Variants in UNC13D observed in about 807,000 individuals in gnomAD.
The protein encoded by UNC13D is protein unc-13 homolog D.
UNC13D carries 115 observed loss-of-function variants against 151.7 expected under a neutral mutation model. That is an observed-to-expected ratio of 0.76 (90% confidence interval 0.65 to 0.88). UNC13D has a LOEUF of 0.88. UNC13D is among the 40% of genes least tolerant of loss of function. UNC13D has a pLI of 0.00. For synonymous variants in UNC13D, 588 were observed against 612.2 expected (o/e 0.96, Z 0.58); for missense variants, 1,369 against 1,438.7 (o/e 0.95, Z 0.78).
Position 75,833,074 on chromosome 17 carries a change from G to C in UNC13D, c.2368-29C>G. On this transcript the variant is annotated intron_variant, in intron 24 of 31. Transcript: ENST00000207549. This position sits in a 1 kb window ranked among gnomAD's most constrained non-coding sequence, Gnocchi z 4.0. ...GGGAGGGAGATGGGGAGCAGGTGTG[G>C]CTCCGGCCCATGTTGGCCCCACCCC... The C allele has an allele frequency of 6.3e-7, 1 of 1,585,666 alleles. No homozygotes were observed. The highest frequency in any genetic ancestry group is 1.3e-5 in the African/African-American group (1 of 74,790).
chr17:75,840,989 G>A lies in UNC13D; in HGVS notation c.582C>T (p.Asp194=). ...WDETFILEFE[D]ITNASFHLDM... ...CCAGATGAAAGCTCGCATTGGTGAT[G>A]TCCTCAAACTCCCTGTATGGAGAAA... Residue 194 remains aspartate (D), a synonymous_variant, in exon 7 of 32, where the codon GAC becomes GAT. Transcript: ENST00000207549. This position sits in a 1 kb window ranked among gnomAD's most constrained non-coding sequence, Gnocchi z 4.6. 1 of 1,614,036 alleles carries A rather than the reference G, an allele frequency of 6.2e-7. No homozygotes were observed. Among genetic ancestry groups the A allele is most frequent in the Non-Finnish European group, 8.5e-7 (1 of 1,180,012 alleles).
At position 75,828,074 on chromosome 17, in the gene UNC13D, A is replaced by C; in HGVS notation, c.3164T>G (p.Leu1055Arg). The C allele has an allele frequency of 6.4e-7, 1 of 1,574,448 alleles. No homozygotes were observed. The highest frequency in any genetic ancestry group is 8.6e-7 in the Non-Finnish European group (1 of 1,160,134). ...ACCCTTCCGGCCCTCCAGCAGCTGC[A>C]GGATTGGGTCCCCTGCGGAGAGAGG... ...TYPAPNGDPILQLLEGRKGDR... is the reference protein window; with the variant it reads ...TYPAPNGDPIRQLLEGRKGDR... Residue 1055 changes from leucine to arginine, a missense_variant, in exon 32 of 32, where the codon CTG becomes CGG. This residue lies in a region of UNC13D where 807 missense variants were observed against 795.5 expected (regional missense o/e 1.01). Coordinates refer to ENST00000207549, the MANE Select transcript of UNC13D (RefSeq NM_199242.3).
At chr17:75,830,524 G>A in intron 28 of UNC13D, 42 bp from the exon 29 acceptor site, 1 of 1,581,778 alleles carries the variant, frequency 6.3e-7, no homozygotes. Flanking sequence ...GGTCACAGCG[G>A]GAGCGGGGTG....
chr17:75,842,737 G>T, intron 5 of UNC13D, 120 bp downstream of exon 5: 2 of 1,589,524 alleles, frequency 1.3e-6, no homozygotes, highest in Non-Finnish European at 1.7e-6. Context: ...AGCAGCATGG[G>T]GGGCCAGCGC....
chr17:75,840,057 GA>G lies in UNC13D; in HGVS notation c.911del (p.Leu304ProfsTer24). On this transcript the variant is annotated frameshift_variant, in exon 11 of 32. Coordinates refer to ENST00000207549, the MANE Select transcript of UNC13D (RefSeq NM_199242.3). LOFTEE classifies it high-confidence loss of function. This position sits in a 1 kb window ranked among gnomAD's most constrained non-coding sequence, Gnocchi z 4.6. ...CCTCGTGGGACACAAGCTGCTGCAGGAGGTGGAGGTGCACGGTGTAGCTCGG... is the reference window on the plus strand; with the variant it reads ...CCTCGTGGGACACAAGCTGCTGCAGGGGTGGAGGTGCACGGTGTAGCTCGG... ...SQPSYTVHLH[L>X]LQQLVSHEVT... The G allele has an allele frequency of 6.2e-7, 1 of 1,613,620 alleles. No homozygotes were observed. Among genetic ancestry groups the G allele is most frequent in the African/African-American group, 1.3e-5 (1 of 75,066 alleles).
Position 75,844,334 on chromosome 17 carries a change from C to T in UNC13D, c.4G>A (p.Ala2Thr). M[A>T]TLLSHPQQRP... Reference sequence around the variant, plus strand: ...TGCTGCGGATGGGAGAGGAGTGTCGCCATGGTGGCCTTCTCTGCCCTTCCC... The same window carrying T: ...TGCTGCGGATGGGAGAGGAGTGTCGTCATGGTGGCCTTCTCTGCCCTTCCC... The change falls in exon 1 of 32, where the codon GCG becomes ACG. Residue 2 changes from alanine to threonine, a missense_variant. Coordinates refer to ENST00000207549, the MANE Select transcript of UNC13D (RefSeq NM_199242.3). The T allele has an allele frequency of 6.2e-7, 1 of 1,609,182 alleles. No individual in the cohort carries two copies. Among genetic ancestry groups the T allele is most frequent in the South Asian group, 1.1e-5 (1 of 90,574 alleles).
chr17:75,841,135 CTTTTTTTT>C (rs34691954), intron 6 of UNC13D, 134 bp from the exon 7 acceptor site: 8 of 306,202 alleles, frequency 2.6e-5, no homozygotes, highest in East Asian at 1.5e-4. Flanking sequence ...AGCCGCATCC[CTTTTTTTT>C]TTTTTTTTTT....
chr17:75,828,299 A>T lies in UNC13D; in HGVS notation c.3152-213T>A, dbSNP rs545396293. 3.3e-5 allele frequency among the ~76,000 whole-genome samples: 5 copies of T among 152,316 alleles called. No individual in the cohort carries two copies. In the South Asian group the frequency reaches 1.0e-3, roughly 32 times the overall value. On this transcript the variant is annotated intron_variant, in intron 31 of 31. Transcript: ENST00000207549. ...GTAACAGACAGAGTGCTGCTGGGAC[A>T]CTGTCCTGACTGCAGCGAGGGGCTG...
intron 1 of UNC13D, 75 bp from the exon 2 acceptor site, chr17:75,843,594 A>C: frequency 6.3e-7 from 1 of 1,579,452 alleles, no homozygotes; most frequent in African/African-American, 1.3e-5. Context: ...GGCTCCTCTG[A>C]GGCCTGATCC....
Position 75,835,236 on chromosome 17 carries a change from C to T in UNC13D, c.1848+173G>A. ...TGCAGGATCTCAGGCAAAGTGAAGC[C>T]ACAGCCCCAAGGATATCCAGAGGCA... On this transcript the variant is annotated intron_variant, in intron 20 of 31. Coordinates refer to ENST00000207549, the MANE Select transcript of UNC13D (RefSeq NM_199242.3). 5 of 1,390,126 alleles carry T rather than the reference C, an allele frequency of 3.6e-6. No individual in the cohort carries two copies. The South Asian group carries it at 3.9e-5, about 11-fold the overall frequency. The allele number at this position is 1,390,126 out of a possible 1,614,324, so 86.1% of individuals were successfully genotyped here.
intron 1 of UNC13D, 57 bp downstream of exon 1, chr17:75,844,164 A>G: frequency 1.3e-6 from 2 of 1,593,972 alleles, no homozygotes; most frequent in South Asian, 1.1e-5. Flanking sequence ...GGGCACCCGT[A>G]CCCGAGACCA....
In UNC13D at chr17:75,836,510, C is replaced by T. The variant is rs1224872871; in HGVS notation, c.1298+62G>A. ...TCCTCCAACAATTCTCCCACTCCTG[C>T]AGGCACCCCAGCTGCTCCCTCATCC... is the stretch of plus-strand genomic sequence containing the variant. On this transcript the variant is annotated intron_variant, in intron 14 of 31. Transcript: ENST00000207549. 12 of 1,612,602 alleles carry T rather than the reference C, an allele frequency of 7.4e-6. No individual in the cohort carries two copies. The East Asian group carries it at 2.4e-4, about 33-fold the overall frequency.
chr17:75,831,299 C>T lies in UNC13D; in HGVS notation c.2497G>A (p.Ala833Thr). Residue 833 changes from alanine (A) to threonine (T), a missense_variant, in exon 26 of 32, where the codon GCC (alanine) becomes ACC (threonine). Around this residue, in one of 3 missense-constraint regions of UNC13D, gnomAD observed 807 missense variants for 795.5 expected, o/e 1.01. Coordinates refer to ENST00000207549, the MANE Select transcript of UNC13D (RefSeq NM_199242.3). ...THTLTVLVEA[A>T]ASQRSSSLAS... is the part of the protein sequence containing the mutation. Reference sequence around the variant, plus strand: ...AGGGATGAGCTGCGCTGGGAGGCGGCCGCCTCCACCAGCACTGTGAGTGTG... The same window carrying T: ...AGGGATGAGCTGCGCTGGGAGGCGGTCGCCTCCACCAGCACTGTGAGTGTG... 2.5e-6 allele frequency: 4 copies of T among 1,613,644 alleles called. No individual in the cohort carries two copies. The highest frequency in any genetic ancestry group is 3.4e-6 in the Non-Finnish European group (4 of 1,180,022).
At chr17:75,831,486 G>T (rs1203035072) in intron 25 of UNC13D, 138 bp from the exon 26 acceptor site, 1 of 742,952 alleles carries the variant, frequency 1.3e-6, no homozygotes, top group East Asian at 2.7e-5. Context: ...CTCCCCCTCC[G>T]CCTCCCACCC....
intron 30 of UNC13D, chr17:75,829,673 C>A: frequency 3.5e-6 from 1 of 287,300 alleles, no homozygotes; most frequent in South Asian, 3.3e-5. Context: ...ATCTCAGCAG[C>A]CTCTGCCTCC....
chr17:75,834,420 C>CCTGCTCCAGCACGGCCCCTACCCG lies in UNC13D; in HGVS notation c.2179_2202dup (p.Arg727_Gln734dup). On this transcript the variant is annotated inframe_insertion, in exon 23 of 32. Transcript: ENST00000207549. ...GCATGCAGCGTGTTCTGCAGCTGCC[C>CCTGCTCCAGCACGGCCCCTACCCG]CTGCTCCAGCACGGCCCCTACCCGC... The CCTGCTCCAGCACGGCCCCTACCCG allele has an allele frequency of 6.3e-7, 1 of 1,575,286 alleles. No individual in the cohort carries two copies. Among genetic ancestry groups the CCTGCTCCAGCACGGCCCCTACCCG allele is most frequent in the Non-Finnish European group, 8.6e-7 (1 of 1,167,002 alleles).
At chr17:75,842,961 GGCTGGGCTTCCC>G in intron 4 of UNC13D, 38 bp from the exon 5 acceptor site, 1 of 1,613,128 alleles carries the variant, frequency 6.2e-7, no homozygotes. Context: ...TCCCTGAGGG[GGCTGGGCTTCCC>G]AGGCCCCTCC....
chr17:75,836,741 G>A, intron 13 of UNC13D, 45 bp from the exon 14 acceptor site: 1 of 1,613,396 alleles, frequency 6.2e-7, no homozygotes, highest in Non-Finnish European at 8.5e-7. Context: ...AGCTGCTGCT[G>A]CTCCCCTGCC....
In UNC13D at chr17:75,835,441, C is replaced by G. The variant is rs763471988; in HGVS notation, c.1816G>C (p.Ala606Pro). 1 of 1,612,960 alleles carries G rather than the reference C, an allele frequency of 6.2e-7. No homozygotes were observed. Among genetic ancestry groups the G allele is most frequent in the Non-Finnish European group, 8.5e-7 (1 of 1,179,816 alleles). The change falls in exon 20 of 32, where the codon GCG becomes CCG. Residue 606 changes from alanine to proline, a missense_variant. Ala to Pro is a conservative substitution (Grantham distance 27). This residue lies in a region of UNC13D where 807 missense variants were observed against 795.5 expected (regional missense o/e 1.01). Transcript: ENST00000207549. ...WLQKTYNEAL[A>P]RVQRAVQMDE... ...ATCTGCACAGCGCGCTGCACCCGCG[C>G]CAGGGCCTCGTTGTACGTCTTCTGC... is the stretch of plus-strand genomic sequence containing the variant.
Sources: allele counts gnomAD v4.1 joint callset (sites outside exome capture counted in the v4.1 genomes callset), GRCh38; gene constraint gnomAD v4.1.1; regional missense constraint gnomAD v4.1.1; non-coding constraint Gnocchi (gnomAD v3.1); transcripts MANE v1.5; gene names NCBI Gene and HGNC (gene_info 2026-07-23, HGNC 2026-07-21).